Variants in GPR19 observed in about 807,000 individuals in gnomAD.
GPR19 encodes the protein probable G protein-coupled receptor 19.
GPR19 carries 14 observed loss-of-function variants against 28.5 expected under a neutral mutation model. The ratio of observed to expected loss-of-function variants is 0.49; its 90% confidence interval spans 0.32 to 0.77. The LOEUF (loss-of-function observed/expected upper bound fraction) is 0.77, where lower values mean the gene tolerates loss of function less well. Ranked by LOEUF, GPR19 falls within the 30% of genes least tolerant of loss-of-function variation. GPR19 has a pLI of 0.03. For missense variants in GPR19, 409 were observed against 504.1 expected, an observed-to-expected ratio of 0.81 and a Z score of 1.81; for synonymous variants, 173 against 184.1, an observed-to-expected ratio of 0.94 and a Z score of 0.49.
chr12:12,707,261 T>C, the GPR19 span, among the ~76,000 whole-genome samples: 1 of 152,272 alleles, frequency 6.6e-6, no homozygotes, highest in Non-Finnish European at 1.5e-5. Context: ...AGTCCTTCCT[T>C]GTTCATACAG....
At chr12:12,716,889 C>A in the GPR19 span, 1 of 984,672 alleles carries the variant, frequency 1.0e-6, no homozygotes, top group Non-Finnish European at 1.2e-6. Flanking sequence ...CCCCGCAGAC[C>A]ACGAGGTGGG....
At chr12:12,693,797 G>A (rs1382784942) in intron 2 of GPR19, among the ~76,000 whole-genome samples, 2 of 152,094 alleles carry the variant, frequency 1.3e-5, no homozygotes, top group African/African-American at 2.4e-5. Context: ...CTGCCTCCTG[G>A]GTTTAAGCAA....
intron 3 of GPR19, among the ~76,000 whole-genome samples, chr12:12,673,210 C>T (rs1221866878): frequency 6.6e-6 from 1 of 152,132 alleles, no homozygotes; most frequent in Non-Finnish European, 1.5e-5. Context: ...TTCTTCTGGC[C>T]AGTGACAAGA....
At chr12:12,678,641 C>T (rs1470560715) in intron 3 of GPR19, among the ~76,000 whole-genome samples, 11 of 152,156 alleles carry the variant, frequency 7.2e-5, no homozygotes, top group African/African-American at 2.4e-4. Context: ...TCACGGCCTG[C>T]CCCCAATTTG....
chr12:12,700,171 C>CTCTT (rs1209426541), upstream of GPR19, among the ~76,000 whole-genome samples: 13 of 150,994 alleles, frequency 8.6e-5, no homozygotes, highest in African/African-American at 2.9e-4. Context: ...TTCTCTCTCT[C>CTCTT]TCTGTCCCTT....
intron 2 of GPR19, chr12:12,685,072 A>T (rs1458853213): frequency 6.6e-6 from 1 of 152,202 alleles, no homozygotes; most frequent in Non-Finnish European, 1.5e-5. Flanking sequence ...AATATTTTTT[A>T]AAATTTCCCT....
chr12:12,709,382 T>G, the GPR19 span, among the ~76,000 whole-genome samples: 1 of 152,162 alleles, frequency 6.6e-6, no homozygotes. Flanking sequence ...ATTTTTTTCT[T>G]TCTTCTGACA....
intron 3 of GPR19, among the ~76,000 whole-genome samples, chr12:12,677,532 C>G (rs1008822135): frequency 3.9e-5 from 6 of 152,044 alleles, no homozygotes; most frequent in African/African-American, 1.4e-4. Context: ...CCGCCTTGGC[C>G]TCCCAAAGTG....
intron 3 of GPR19, among the ~76,000 whole-genome samples, chr12:12,680,298 C>T (rs1024314850): frequency 6.6e-6 from 1 of 152,232 alleles, no homozygotes; most frequent in Non-Finnish European, 1.5e-5. Flanking sequence ...AAGTTAATCT[C>T]TTTGAGCTTC....
intron 2 of GPR19, among the ~76,000 whole-genome samples, chr12:12,691,144 T>C (rs1036042017): frequency 2.0e-5 from 3 of 151,776 alleles, no homozygotes; most frequent in Non-Finnish European, 4.4e-5. Context: ...ATAAAGGTCA[T>C]ATCCCAAACT....
At chr12:12,666,775 G>A (rs2136320338) in intron 3 of GPR19, among the ~76,000 whole-genome samples, 1 of 152,288 alleles carries the variant, frequency 6.6e-6, no homozygotes, top group Admixed American at 6.5e-5. Context: ...GCCTCTGCTA[G>A]GAGAATTAAA....
intron 3 of GPR19, among the ~76,000 whole-genome samples, chr12:12,674,359 G>A (rs1291269008): frequency 6.6e-6 from 1 of 151,074 alleles, no homozygotes; most frequent in Admixed American, 6.6e-5. Context: ...AGAACTGCTT[G>A]AGCCTAGGAG....
the GPR19 span, chr12:12,716,926 G>A: frequency 6.1e-6 from 6 of 984,436 alleles, no homozygotes; most frequent in Admixed American, 2.5e-4. Context: ...CGAGCTGGGG[G>A]CAGCTCGCCA....
At chr12:12,678,823 G>A (rs189250549) in intron 3 of GPR19, among the ~76,000 whole-genome samples, 1 of 152,170 alleles carries the variant, frequency 6.6e-6, no homozygotes, top group Non-Finnish European at 1.5e-5. Context: ...TTGAGACAGA[G>A]TCGCACTCTG....
At chr12:12,716,798 G>A in the GPR19 span, 1 of 985,246 alleles carries the variant, frequency 1.0e-6, no homozygotes, top group Non-Finnish European at 1.2e-6. Flanking sequence ...GCGAACCATT[G>A]CCCACTGCCT....
At chr12:12,664,919 C>CAAAAAAAAA (rs746346681) in intron 3 of GPR19, among the ~76,000 whole-genome samples, 7 of 31,108 alleles carry the variant, frequency 2.3e-4, no homozygotes, top group East Asian at 1.3e-3. Flanking sequence ...GACGCCATCT[C>CAAAAAAAAA]AAAAAAAAAA....
chr12:12,716,766 G>A, the GPR19 span: 2 of 985,240 alleles, frequency 2.0e-6, no homozygotes, highest in Non-Finnish European at 1.2e-6. Context: ...AGGGATGGCA[G>A]AAACTTCTGG....
At chr12:12,709,680 C>T in the GPR19 span, among the ~76,000 whole-genome samples, 14 of 152,136 alleles carry the variant, frequency 9.2e-5, no homozygotes, top group Non-Finnish European at 1.9e-4. Flanking sequence ...ATCAAGCAGT[C>T]CTCCCACCTC....
chr12:12,663,228 C>A (rs781593041), intron 3 of GPR19, among the ~76,000 whole-genome samples: 21 of 152,106 alleles, frequency 1.4e-4, no homozygotes, highest in Admixed American at 7.9e-4. Context: ...GAAGAACATA[C>A]AAGATGTCCT....
Sources: gnomAD v4.1 joint callset for allele counts (sites outside exome capture counted in the v4.1 genomes callset) on GRCh38, gnomAD v4.1.1 for gene constraint, MANE v1.5 for transcripts, NCBI Gene and HGNC (gene_info 2026-07-23, HGNC 2026-07-21) for gene names.